ESS2: variants seen among roughly 807,000 people sequenced by gnomAD.
ESS2 encodes ess-2 spliceosome associated protein.
Under a neutral mutation model 52.0 loss-of-function variants are expected in ESS2, and 31 were observed. That is an observed-to-expected ratio of 0.60 (90% CI 0.45 to 0.81). The LOEUF (loss-of-function observed/expected upper bound fraction) is 0.81, where lower values mean the gene tolerates loss of function less well. Among genes scored for constraint, ESS2 ranks in the 30% least tolerant of loss-of-function variants. The pLI is 0.00. For synonymous variants in ESS2, 285 were observed against 259.2 expected (o/e 1.10, Z -0.95); for missense variants, 602 against 637.2 (o/e 0.94, Z 0.59).
chr22:19,135,450 T>TTG (rs2083565410), intron 8 of ESS2, among the ~76,000 whole-genome samples: 1 of 152,228 alleles, frequency 6.6e-6, no homozygotes, highest in African/African-American at 2.4e-5. Context: ...GTTTCCCTGA[T>TTG]TATCAGAGTG....
Position 19,139,854 on chromosome 22 carries a change from C to A in ESS2, c.570+1G>T. On this transcript the variant is annotated splice_donor_variant, in intron 4 of 9. Coordinates refer to ENST00000252137, the MANE Select transcript of ESS2 (RefSeq NM_022719.3). LOFTEE classifies it high-confidence loss of function. ...TGTGACACCCCAGACCCCAGAGACA[C>A]CTTCTCAAACTCTTCCTCAGCCTGG... 6.2e-7 allele frequency: 1 copy of A among 1,614,130 alleles called. No individual in the cohort carries two copies. Among genetic ancestry groups the A allele is most frequent in the Non-Finnish European group, 8.5e-7 (1 of 1,179,992 alleles).
At position 19,139,252 on chromosome 22, in the gene ESS2, C is replaced by A. The variant is rs1254904381; in HGVS notation, c.729G>T (p.Gln243His). The A allele has an allele frequency of 6.2e-7, 1 of 1,606,154 alleles. No individual in the cohort carries two copies. The highest frequency in any genetic ancestry group is 8.5e-7 in the Non-Finnish European group (1 of 1,176,122). ...DEEQLFKKPR[Q>H]VVHKNTRFLR... Reference sequence around the variant, plus strand: ...GGAAGCGCGTGTTCTTATGTACCACCTGCCGGGGCTTCTTAAACAGCTGCT... The same window carrying A: ...GGAAGCGCGTGTTCTTATGTACCACATGCCGGGGCTTCTTAAACAGCTGCT... Residue 243 changes from glutamine (Q) to histidine (H), a missense_variant, in exon 6 of 10, where the codon CAG becomes CAT. Gln to His is a conservative substitution (Grantham distance 24). Coordinates refer to ENST00000252137, the MANE Select transcript of ESS2 (RefSeq NM_022719.3).
rs377282597 is a variant in ESS2 at position 19,142,665 on chromosome 22, T to C, written c.305-32A>G. 349 of 1,609,708 alleles carry C rather than the reference T, an allele frequency of 2.2e-4. 1 individual carries two copies. The African/African-American group carries it at 4.2e-3, about 19-fold the overall frequency. ...GAAGAGAGGGGGATAAGAATTAGAG[T>C]GAGCCTGAAGCGACAGTTCAGCAGG... On this transcript the variant is annotated intron_variant, in intron 2 of 9. Transcript: ENST00000252137.
At position 19,134,349 on chromosome 22, in the gene ESS2, G is replaced by A. The variant is rs373227576; in HGVS notation, c.1278C>T (p.Thr426=). 2.5e-6 allele frequency: 4 copies of A among 1,612,112 alleles called. No individual in the cohort carries two copies. Among genetic ancestry groups the A allele is most frequent in the Non-Finnish European group, 1.7e-6 (2 of 1,179,340 alleles). ...ASYTPSPARS[T]HLKTPASGLQ... ...GCCCACTGGCCGGGGTCTTGAGGTGGGTGGAGCGTGCTGGGGATGGTGTGT... is the reference window on the plus strand; with the variant it reads ...GCCCACTGGCCGGGGTCTTGAGGTGAGTGGAGCGTGCTGGGGATGGTGTGT... The change falls in exon 10 of 10, where the codon ACC becomes ACT. Residue 426 remains threonine (T), a synonymous_variant. Coordinates refer to ENST00000252137, the MANE Select transcript of ESS2 (RefSeq NM_022719.3).
rs191137540 is a variant in ESS2, at chr22:19,143,420, C to T, written c.136-526G>A. Among the ~76,000 whole-genome samples, 5 of 152,284 alleles carry T rather than the reference C, an allele frequency of 3.3e-5. No individual in the cohort carries two copies. The East Asian group carries it at 9.6e-4, about 29-fold the overall frequency. ...TGCTGCAACCTCTAACATTACTAAA[C>T]ACTCTTCTGAAGTCCGTGAAACCCT... is the stretch of plus-strand genomic sequence containing the variant. On this transcript the variant is annotated intron_variant, in intron 1 of 9. Transcript: ENST00000252137.
In ESS2 at chr22:19,131,228, A is replaced by T; in HGVS notation, c.*2968T>A. ...CCCGCCCCCACTCCTTGGCTTTATG[A>T]GTTCATTGGCTGAAGTCACCCGGAG... is the stretch of plus-strand genomic sequence containing the variant. On this transcript the variant is annotated 3_prime_UTR_variant, in exon 10 of 10. Coordinates refer to ENST00000252137, the MANE Select transcript of ESS2 (RefSeq NM_022719.3). The surrounding 1 kb of genome is among the most constrained non-coding windows in gnomAD (Gnocchi z 5.7). 1 of 609,588 alleles carries T rather than the reference A, an allele frequency of 1.6e-6. No homozygotes were observed. The highest frequency in any genetic ancestry group is 2.9e-6 in the Non-Finnish European group (1 of 343,780). The allele number at this position is 609,588 out of a possible 1,614,324, so 37.8% of individuals were successfully genotyped here.
chr22:19,130,307 C>T lies in ESS2; in HGVS notation c.*3889G>A, dbSNP rs149027080. ...GAAAGAAGGGAGTTTATCACTGTAACTGGATACAGGGAGAAGGCTGGAGAT... is the reference window on the plus strand; with the variant it reads ...GAAAGAAGGGAGTTTATCACTGTAATTGGATACAGGGAGAAGGCTGGAGAT... On this transcript the variant is annotated 3_prime_UTR_variant, in exon 10 of 10. Coordinates refer to ENST00000252137, the MANE Select transcript of ESS2 (RefSeq NM_022719.3). 1 of 162,286 alleles carries T rather than the reference C, an allele frequency of 6.2e-6. No homozygotes were observed. The highest frequency in any genetic ancestry group is 1.8e-4 in the East Asian group (1 of 5,438). The allele number at this position is 162,286 out of a possible 1,614,324, so 10.1% of individuals were successfully genotyped here.
Position 19,134,357 on chromosome 22 carries a change from G to A in ESS2, c.1270C>T (p.Arg424Cys), listed in dbSNP as rs751194608. The A allele has an allele frequency of 1.2e-5, 19 of 1,612,164 alleles. No homozygotes were observed. Among genetic ancestry groups the A allele is most frequent in the African/African-American group, 2.7e-5 (2 of 74,898 alleles). ...LRASYTPSPA[R>C]STHLKTPASG... is the part of the protein sequence containing the mutation. ...GCCGGGGTCTTGAGGTGGGTGGAGC[G>A]TGCTGGGGATGGTGTGTAGCTGGCC... is the stretch of plus-strand genomic sequence containing the variant. Residue 424 changes from arginine (R) to cysteine (C), a missense_variant, in exon 10 of 10, where the codon CGC becomes TGC. Arg to Cys is a radical substitution (Grantham distance 180). Coordinates refer to ENST00000252137, the MANE Select transcript of ESS2 (RefSeq NM_022719.3).
At chr22:19,137,798 AC>A (rs1212493686) in intron 7 of ESS2, 26 of 985,250 alleles carry the variant, frequency 2.6e-5, no homozygotes, top group Non-Finnish European at 3.0e-5. Context: ...CAGCACCAGC[AC>A]CCAAGAGCAC....
rs937994053 is a variant in ESS2 at position 19,132,647 on chromosome 22, A to T, written c.*1549T>A. On this transcript the variant is annotated 3_prime_UTR_variant, in exon 10 of 10. Transcript: ENST00000252137. The surrounding 1 kb of genome is among the most constrained non-coding windows in gnomAD (Gnocchi z 4.2). ...ACGTTCCATTAGCTTTCTTCCACTT[A>T]GCAGCAAAGACGTTCCTTACTGACC... 9 of 684,326 alleles carry T rather than the reference A, an allele frequency of 1.3e-5. No individual in the cohort carries two copies. Among genetic ancestry groups the T allele is most frequent in the Non-Finnish European group, 2.0e-5 (8 of 400,370 alleles). 42.4% of individuals were successfully genotyped at this position (684,326 alleles called of 1,614,324 possible). A position where few individuals can be genotyped will look rare whatever the true frequency, so the allele number is the denominator to read the frequency against.
chr22:19,140,790 G>A (rs1477599685), intron 3 of ESS2, among the ~76,000 whole-genome samples: 1 of 152,198 alleles, frequency 6.6e-6, no homozygotes, highest in Non-Finnish European at 1.5e-5. Context: ...CAAGACCCAC[G>A]GGATGAGGAC....
intron 6 of ESS2, 166 bp from the exon 7 acceptor site, chr22:19,138,483 C>T: frequency 1.3e-6 from 1 of 741,990 alleles, no homozygotes; most frequent in Non-Finnish European, 2.4e-6. Flanking sequence ...AGGGCCCCTG[C>T]CCCAACCCCC....
At position 19,132,810 on chromosome 22, in the gene ESS2, G is replaced by A; in HGVS notation, c.*1386C>T. 3.4e-6 allele frequency: 1 copy of A among 293,246 alleles called. No homozygotes were observed. The highest frequency in any genetic ancestry group is 6.5e-6 in the Non-Finnish European group (1 of 154,138). The allele number at this position is 293,246 out of a possible 1,614,324, so 18.2% of individuals were successfully genotyped here. A position where few individuals can be genotyped will look rare whatever the true frequency, so the allele number is the denominator to read the frequency against. ...GCACAGGACAGATGCTCAGGTACAG[G>A]CAGAATCACAGTGTGGCCTGGCCTT... On this transcript the variant is annotated 3_prime_UTR_variant, in exon 10 of 10. Coordinates refer to ENST00000252137, the MANE Select transcript of ESS2 (RefSeq NM_022719.3). This position sits in a 1 kb window ranked among gnomAD's most constrained non-coding sequence, Gnocchi z 4.2.
rs753109294 is a variant in ESS2 at position 19,142,597 on chromosome 22, T to C, written c.341A>G (p.His114Arg). 7 of 1,613,626 alleles carry C rather than the reference T, an allele frequency of 4.3e-6. No individual in the cohort carries two copies. In the African/African-American group the frequency reaches 5.3e-5, roughly 12 times the overall value. The change falls in exon 3 of 10, where the codon CAT becomes CGT. Residue 114 changes from histidine to arginine, a missense_variant. By Grantham distance (29) the His-to-Arg change is conservative. Coordinates refer to ENST00000252137, the MANE Select transcript of ESS2 (RefSeq NM_022719.3). Reference sequence around the variant, plus strand: ...GTTGCCCACCACTCCAGTGCCTGCATGCACCTCAGGGGTTTCAAATGTGGC... The same window carrying C: ...GTTGCCCACCACTCCAGTGCCTGCACGCACCTCAGGGGTTTCAAATGTGGC... The part of the protein sequence containing the change: ...TPATFETPEV[H>R]AGTGVVGNKP...
In ESS2 at chr22:19,132,377, G is replaced by A; in HGVS notation, c.*1819C>T. On this transcript the variant is annotated 3_prime_UTR_variant, in exon 10 of 10. Coordinates refer to ENST00000252137, the MANE Select transcript of ESS2 (RefSeq NM_022719.3). This position sits in a 1 kb window ranked among gnomAD's most constrained non-coding sequence, Gnocchi z 4.2. ...AAACCCAGCACCGGCTGCTGGTGGTGCCCGAGAACGAGAACAGGATGGAGG... is the reference window on the plus strand; with the variant it reads ...AAACCCAGCACCGGCTGCTGGTGGTACCCGAGAACGAGAACAGGATGGAGG... The A allele has an allele frequency of 6.2e-7, 1 of 1,613,166 alleles. No individual in the cohort carries two copies. The highest frequency in any genetic ancestry group is 8.5e-7 in the Non-Finnish European group (1 of 1,180,026).
rs1443210804 is a variant in ESS2, at chr22:19,140,017, AGCCTCTCCT to A, written c.401-2_407del. On this transcript the variant is annotated splice_acceptor_variant and coding_sequence_variant, in exon 4 of 10. Coordinates refer to ENST00000252137, the MANE Select transcript of ESS2 (RefSeq NM_022719.3). LOFTEE classifies it high-confidence loss of function. Reference sequence around the variant, plus strand: ...GCGGCTCCTTCTCCTCCTCCTCTCCAGCCTCTCCTGCTTAGGGGTTGCGGGAGGAGGAAC... The same window carrying A: ...GCGGCTCCTTCTCCTCCTCCTCTCCAGCTTAGGGGTTGCGGGAGGAGGAAC... 1.9e-6 allele frequency: 3 copies of A among 1,613,538 alleles called. No individual in the cohort carries two copies. The highest frequency in any genetic ancestry group is 1.7e-4 in the Middle Eastern group (1 of 6,060).
chr22:19,131,700 TTCA>T lies in ESS2; in HGVS notation c.*2493_*2495del, dbSNP rs1251275154. ...TGGCGTCCAGGGCGACCTCCTCGAG[TTCA>T]TCAAGTGCCAGGGAGCCCTGCATGA... On this transcript the variant is annotated 3_prime_UTR_variant, in exon 10 of 10. Coordinates refer to ENST00000252137, the MANE Select transcript of ESS2 (RefSeq NM_022719.3). The surrounding 1 kb of genome is among the most constrained non-coding windows in gnomAD (Gnocchi z 5.7). 4.3e-6 allele frequency: 7 copies of T among 1,613,846 alleles called. No homozygotes were observed. The highest frequency in any genetic ancestry group is 5.1e-6 in the Non-Finnish European group (6 of 1,179,924).
rs1456091229 is a variant in ESS2, at chr22:19,137,223, C to A, written c.1035+100G>T. The A allele has an allele frequency of 6.0e-6, 5 of 834,638 alleles. No individual in the cohort carries two copies. In the East Asian group the frequency reaches 1.1e-4, roughly 18 times the overall value. 51.7% of individuals were successfully genotyped at this position (834,638 alleles called of 1,614,324 possible). On this transcript the variant is annotated intron_variant, in intron 8 of 9. Transcript: ENST00000252137. ...AAGCCAGCACTCTGCCCGTCAGCAG[C>A]TGGGGGCCGATCCCAGTGCTCAGTC...
chr22:19,143,890 G>C (rs1443641730), intron 1 of ESS2, among the ~76,000 whole-genome samples: 1 of 152,116 alleles, frequency 6.6e-6, no homozygotes, highest in Non-Finnish European at 1.5e-5. Context: ...CCTTTTTCCT[G>C]AGTAACTTCA....
Sources: gnomAD v4.1 joint callset for allele counts (sites outside exome capture counted in the v4.1 genomes callset) on GRCh38, gnomAD v4.1.1 for gene constraint, Gnocchi (gnomAD v3.1) non-coding constraint, MANE v1.5 for transcripts, NCBI Gene and HGNC (gene_info 2026-07-23, HGNC 2026-07-21) for gene names.